Variants in TBCK observed in about 807,000 individuals in gnomAD.
TBCK encodes TBC1 domain containing kinase.
In TBCK, 99 loss-of-function variants were observed where a neutral mutation model predicts 113.4. The ratio of observed to expected loss-of-function variants is 0.87; its 90% CI spans 0.74 to 1.03. The LOEUF is 1.03. Ranked by LOEUF, TBCK falls within the 50% of genes least tolerant of loss-of-function variation. The probability of loss-of-function intolerance (pLI) is 0.00; values close to 1 mark genes in which losing one functional copy is unlikely to be tolerated. For synonymous variants in TBCK, 369 were observed against 370.8 expected (o/e 1.00, Z 0.05); for missense variants, 1,045 against 1,061.3 (o/e 0.98, Z 0.21).
intron 25 of TBCK, among the ~76,000 whole-genome samples, chr4:106,056,429 A>ATCTC (rs140199798): frequency 6.6e-6 from 1 of 150,588 alleles, no homozygotes. Context: ...GTCTCTAAGT[A>ATCTC]TCTCTCTCTC....
intron 6 of TBCK, among the ~76,000 whole-genome samples, 198 bp downstream of exon 6, chr4:106,251,668 C>G (rs1305527999): frequency 6.6e-6 from 1 of 151,874 alleles, no homozygotes; most frequent in Non-Finnish European, 1.5e-5. Context: ...TACATTCACA[C>G]TTAGTAAAAG....
intron 19 of TBCK, among the ~76,000 whole-genome samples, chr4:106,222,630 C>G (rs972360903): frequency 1.3e-5 from 2 of 152,068 alleles, no homozygotes; most frequent in Non-Finnish European, 2.9e-5. Context: ...CATCAGACTA[C>G]TAGTCTATCA....
chr4:106,054,184 G>T (rs1251906301), intron 25 of TBCK, among the ~76,000 whole-genome samples: 1 of 151,442 alleles, frequency 6.6e-6, no homozygotes, highest in Non-Finnish European at 1.5e-5. Context: ...TACATGATCT[G>T]CAAATCTGCA....
chr4:106,194,897 T>C, intron 20 of TBCK, 143 bp from the exon 21 acceptor site: 2 of 800,914 alleles, frequency 2.5e-6, no homozygotes, highest in South Asian at 3.6e-5. Context: ...GAATGTAGTG[T>C]TAAGTTTAGC....
At chr4:106,145,306 G>C (rs1045778382) in intron 23 of TBCK, among the ~76,000 whole-genome samples, 20 of 152,130 alleles carry the variant, frequency 1.3e-4, no homozygotes, top group Admixed American at 6.5e-5. Context: ...GAGACAGTGA[G>C]ACTCCATCTC....
In TBCK at chr4:106,120,033, T is replaced by TCACCC. The variant is rs1360104286; in HGVS notation, c.2236-3656_2236-3655insGGGTG. ...TGAGCGACGCAGAAGATGGGTGATT[T>TCACCC]CTGCATTTCCATCTGAGGTACCGGG... is the stretch of plus-strand genomic sequence containing the variant. On this transcript the variant is annotated intron_variant, in intron 23 of 25. Transcript: ENST00000394708. Among the ~76,000 whole-genome samples, 7 of 152,276 alleles carry TCACCC rather than the reference T, an allele frequency of 4.6e-5. No homozygotes were observed. In the East Asian group the frequency reaches 9.7e-4, roughly 21 times the overall value.
rs559929709 is a variant in TBCK at position 106,057,891 on chromosome 4, A to T, written c.2572-11211T>A. Among the ~76,000 whole-genome samples, 2 of 151,854 alleles carry T rather than the reference A, an allele frequency of 1.3e-5. 1 individual carries two copies. Among genetic ancestry groups the T allele is most frequent in the South Asian group, 4.1e-4 (2 of 4,828 alleles). ...AAGTTTTATGAGAGCAAGGGACTAT[A>T]TCTTTTTCATTTCTCTTGCCTCACA... On this transcript the variant is annotated intron_variant, in intron 25 of 25. Transcript: ENST00000394708.
chr4:106,262,695 T>A (rs1425093452), intron 3 of TBCK, among the ~76,000 whole-genome samples: 1 of 152,064 alleles, frequency 6.6e-6, no homozygotes, highest in Non-Finnish European at 1.5e-5. Flanking sequence ...CAATCTCTGG[T>A]CATTTATGAT....
intron 23 of TBCK, among the ~76,000 whole-genome samples, chr4:106,124,801 T>C (rs892873174): frequency 1.3e-5 from 2 of 149,060 alleles, no homozygotes; most frequent in African/African-American, 5.0e-5. Context: ...AACTGAACAA[T>C]GAAATCACAT....
At chr4:106,221,593 C>T (rs1021400646) in intron 19 of TBCK, among the ~76,000 whole-genome samples, 5 of 151,402 alleles carry the variant, frequency 3.3e-5, no homozygotes, top group African/African-American at 1.2e-4. Flanking sequence ...TTAAAAGCCC[C>T]TTGGTGTAAA....
chr4:106,286,398 C>T (rs1490739438), intron 3 of TBCK, among the ~76,000 whole-genome samples: 5 of 152,092 alleles, frequency 3.3e-5, no homozygotes, highest in Admixed American at 1.3e-4. Flanking sequence ...CAAGATTTGT[C>T]GTCTTTCAAA....
At chr4:106,130,992 C>T (rs1274883811) in intron 23 of TBCK, among the ~76,000 whole-genome samples, 1 of 152,074 alleles carries the variant, frequency 6.6e-6, no homozygotes, top group African/African-American at 2.4e-5. Context: ...TATGGACTAG[C>T]TGGGTCCCCC....
chr4:106,289,002 C>T (rs1446497547), intron 3 of TBCK, among the ~76,000 whole-genome samples: 1 of 152,162 alleles, frequency 6.6e-6, no homozygotes, highest in Admixed American at 6.6e-5. Flanking sequence ...GCAAATACTC[C>T]AAAATCTGGG....
intron 25 of TBCK, among the ~76,000 whole-genome samples, chr4:106,083,550 TC>T (rs928936228): frequency 1.3e-5 from 2 of 152,026 alleles, no homozygotes; most frequent in Admixed American, 6.5e-5. Context: ...CGAGTGGGTT[TC>T]CCCCCAGTGA....
intron 3 of TBCK, among the ~76,000 whole-genome samples, chr4:106,268,037 T>G (rs1479378887): frequency 1.3e-5 from 2 of 152,036 alleles, no homozygotes; most frequent in African/African-American, 4.8e-5. Flanking sequence ...AATTTTTAAC[T>G]ACTACCTCCT....
chr4:106,193,735 C>A lies in TBCK; in HGVS notation c.1933G>T (p.Asp645Tyr), dbSNP rs1441234147. ...GAGGAATTCCCAAGTAGTAAGGTAT[C>A]CCAGAGGTGGAAAATTTTGTGTAGT... is the stretch of plus-strand genomic sequence containing the variant. ...FPLHKIFHLW[D>Y]TLLLGNSSFP... is the part of the protein sequence containing the mutation. The change falls in exon 22 of 26, where the codon GAT (aspartate) becomes TAT (tyrosine). Residue 645 changes from aspartate (D) to tyrosine (Y), a missense_variant. Asp to Tyr is a radical substitution (Grantham distance 160). Coordinates refer to ENST00000394708, the MANE Select transcript of TBCK (RefSeq NM_001163435.3). 1.3e-6 allele frequency: 2 copies of A among 1,590,444 alleles called. No homozygotes were observed. The highest frequency in any genetic ancestry group is 4.5e-5 in the East Asian group (2 of 44,492).
intron 24 of TBCK, among the ~76,000 whole-genome samples, chr4:106,109,945 C>G (rs1236172052): frequency 2.0e-5 from 3 of 152,136 alleles, no homozygotes; most frequent in African/African-American, 7.2e-5. Flanking sequence ...CTGAAGGCAG[C>G]CAAACCCTCT....
At chr4:106,212,613 C>A in intron 20 of TBCK, 137 bp downstream of exon 20, 1 of 591,254 alleles carries the variant, frequency 1.7e-6, no homozygotes, top group South Asian at 2.5e-5. Flanking sequence ...CTTACTAATA[C>A]AAGGCTACAA....
rs771438915 is a variant in TBCK at position 106,193,812 on chromosome 4, T to C, written c.1898-42A>G. The C allele has an allele frequency of 1.9e-5, 25 of 1,306,550 alleles. No individual in the cohort carries two copies. In the South Asian group the frequency reaches 3.9e-4, roughly 21 times the overall value. 80.9% of individuals were successfully genotyped at this position (1,306,550 alleles called of 1,614,324 possible). On this transcript the variant is annotated intron_variant, in intron 21 of 25. Coordinates refer to ENST00000394708, the MANE Select transcript of TBCK (RefSeq NM_001163435.3). ...ATACAAATAAATTAAAAAACCAAAA[T>C]AACAATTAAAACAATAACAACTTAC...
Sources: gnomAD v4.1 joint callset for allele counts (sites outside exome capture counted in the v4.1 genomes callset) on GRCh38, gnomAD v4.1.1 for gene constraint, MANE v1.5 for transcripts, NCBI Gene and HGNC (gene_info 2026-07-23, HGNC 2026-07-21) for gene names.